The following AFF2 variants were observed in gnomAD, a reference collection of about 807,000 sequenced individuals.
AFF2 encodes the protein AF4/FMR2 family member 2.
AFF2 carries 14 observed loss-of-function variants against 76.9 expected under a neutral mutation model. That is an observed-to-expected ratio of 0.18 (90% CI 0.12 to 0.28). AFF2 has a LOEUF of 0.28. Ranked by LOEUF, AFF2 falls within the 10% of genes least tolerant of loss-of-function variation. The pLI, the probability that AFF2 is intolerant of heterozygous loss-of-function variation, is 1.00. For synonymous variants in AFF2, 398 were observed against 366.7 expected (o/e 1.09, Z -0.98); for missense variants, 868 against 1,001.1 (o/e 0.87, Z 1.79).
At chrX:148,752,166 A>T (rs1256042671) in intron 3 of AFF2, among the ~76,000 whole-genome samples, 1 of 110,465 alleles carries the variant, frequency 9.1e-6, no homozygotes, top group Non-Finnish European at 1.9e-5. Flanking sequence ...ATTTGGGGGA[A>T]TGTAAACATT....
At chrX:148,800,021 G>C (rs2070036131) in intron 3 of AFF2, among the ~76,000 whole-genome samples, 1 of 111,972 alleles carries the variant, frequency 8.9e-6, no homozygotes, top group Admixed American at 9.5e-5. Flanking sequence ...ATGTAAGTGG[G>C]CGCAGATCTA....
intron 3 of AFF2, among the ~76,000 whole-genome samples, chrX:148,775,114 CAG>C (rs1413763019): frequency 3.6e-5 from 4 of 111,558 alleles, no homozygotes; most frequent in Non-Finnish European, 7.5e-5. Context: ...GTTTGATAAT[CAG>C]GGGATATATT....
intron 1 of AFF2, among the ~76,000 whole-genome samples, chrX:148,520,977 T>C (rs146250965): frequency 0.018 from 2,043 of 112,211 alleles, 21 homozygotes; most frequent in Middle Eastern, 0.037. Flanking sequence ...AGTCTTTGTG[T>C]GGAAGTCAAA....
chrX:148,941,086 G>A (rs1317108184), intron 9 of AFF2, among the ~76,000 whole-genome samples: 4 of 111,942 alleles, frequency 3.6e-5, no homozygotes, highest in African/African-American at 1.3e-4. Context: ...GACATTGATA[G>A]TCTTTGGCAA....
chrX:148,960,299 C>T (rs1216462784), intron 12 of AFF2, among the ~76,000 whole-genome samples: 1 of 112,586 alleles, frequency 8.9e-6, no homozygotes, highest in Admixed American at 9.4e-5. Context: ...GGACTGTGCA[C>T]TTGTGCCCCA....
At chrX:148,967,422 GTTAT>G (rs1254966956) in intron 14 of AFF2, among the ~76,000 whole-genome samples, 1 of 112,060 alleles carries the variant, frequency 8.9e-6, no homozygotes, top group African/African-American at 3.3e-5. Flanking sequence ...GGAGCATGTG[GTTAT>G]TTATCCTAAT....
At chrX:148,718,521 T>C (rs1292623824) in intron 3 of AFF2, among the ~76,000 whole-genome samples, 1 of 111,201 alleles carries the variant, frequency 9.0e-6, no homozygotes, top group African/African-American at 3.3e-5. Flanking sequence ...TTCGAAATGA[T>C]ATCATCCCTA....
chrX:148,657,129 A>G (rs2054261608), intron 2 of AFF2, among the ~76,000 whole-genome samples: 1 of 111,938 alleles, frequency 8.9e-6, no homozygotes, highest in Non-Finnish European at 1.9e-5. Flanking sequence ...TGGCTTACCC[A>G]AGGTCATTTG....
rs1307989712 is a variant in AFF2, at chrX:148,816,350, A to G, written c.1086+6430A>G. Among the ~76,000 whole-genome samples, 9 of 111,737 alleles carry G rather than the reference A, an allele frequency of 8.1e-5. No homozygotes were observed. In the Admixed American group the frequency reaches 8.6e-4, roughly 11 times the overall value. On this transcript the variant is annotated intron_variant, in intron 4 of 20. Transcript: ENST00000370460. The stretch of plus-strand genomic sequence containing the variant: ...AGGCTTGTCCCTTCTCTCGTTTGTC[A>G]TTAGAAGCATTCAGGAGAATGAGAA...
intron 7 of AFF2, among the ~76,000 whole-genome samples, chrX:148,876,514 T>A (rs1306202529): frequency 8.9e-6 from 1 of 112,061 alleles, no homozygotes; most frequent in Non-Finnish European, 1.9e-5. Flanking sequence ...CATGCATGCA[T>A]CACCCCAGCA....
intron 1 of AFF2, among the ~76,000 whole-genome samples, chrX:148,609,325 A>G (rs868954319): frequency 8.9e-6 from 1 of 112,088 alleles, no homozygotes; most frequent in Non-Finnish European, 1.9e-5. Flanking sequence ...ATTCTTTGAT[A>G]TGTGGCCTTG....
At chrX:148,879,613 C>G (rs1443488601) in intron 7 of AFF2, among the ~76,000 whole-genome samples, 1 of 111,806 alleles carries the variant, frequency 8.9e-6, no homozygotes, top group South Asian at 3.7e-4. Flanking sequence ...ACTACTCAAC[C>G]TGGCCATTGT....
At chrX:148,710,818 A>C (rs1017763279) in intron 3 of AFF2, among the ~76,000 whole-genome samples, 1 of 111,572 alleles carries the variant, frequency 9.0e-6, no homozygotes, top group African/African-American at 3.3e-5. Context: ...GGCAAATTTC[A>C]CATATTTTTG....
intron 1 of AFF2, among the ~76,000 whole-genome samples, chrX:148,609,472 T>C (rs1283961223): frequency 8.9e-6 from 1 of 111,843 alleles, no homozygotes; most frequent in Non-Finnish European, 1.9e-5. Context: ...TGGGATATTA[T>C]TTGAGCTGTG....
At position 148,719,220 on chromosome X, in the gene AFF2, T is replaced by C. The variant is rs2055062374; in HGVS notation, c.1041+56452T>C. ...GAGGCACCAAGCATTTCCGTCCTTC[T>C]TCAAGATGAAGGTAGGCAATATGAG... On this transcript the variant is annotated intron_variant, in intron 3 of 20. Transcript: ENST00000370460. 3 of 1,148,028 alleles carry C rather than the reference T, an allele frequency of 2.6e-6. No homozygotes were observed. The East Asian group carries it at 9.8e-5, about 37-fold the overall frequency. The allele number at this position is 1,148,028 out of a possible 1,213,427, so 94.6% of individuals were successfully genotyped here.
intron 3 of AFF2, among the ~76,000 whole-genome samples, chrX:148,779,814 A>G (rs1185845410): frequency 9.0e-6 from 1 of 111,721 alleles, no homozygotes; most frequent in African/African-American, 3.3e-5. Flanking sequence ...TATTTTGCCT[A>G]TTGGTTGGTG....
At chrX:148,708,660 G>A in intron 3 of AFF2, among the ~76,000 whole-genome samples, 1 of 112,019 alleles carries the variant, frequency 8.9e-6, no homozygotes, top group East Asian at 2.8e-4. Context: ...GTTGCAGTGA[G>A]CCAAGATCGC....
chrX:148,616,419 AAC>A (rs2053801677), intron 1 of AFF2, among the ~76,000 whole-genome samples: 2 of 111,821 alleles, frequency 1.8e-5, no homozygotes, highest in African/African-American at 6.5e-5. Flanking sequence ...TATGAAAATT[AAC>A]AGTTGATGAA....
Position 148,967,020 on chromosome X carries a change from G to A in AFF2, c.3144G>A (p.Leu1048=), listed in dbSNP as rs2072186883. ...TGGAGATGACGTCCTGGGCGGCTCTGCCCCTTCTATCCAGCAGCAGCACTA... is the reference window on the plus strand; with the variant it reads ...TGGAGATGACGTCCTGGGCGGCTCTACCCCTTCTATCCAGCAGCAGCACTA... The part of the protein sequence containing the change: ...SHLEMTSWAA[L]PLLSSSSTNV... The change falls in exon 14 of 21, where the codon CTG becomes CTA. Residue 1048 remains leucine (L), a synonymous_variant. Transcript: ENST00000370460. 1.7e-6 allele frequency: 2 copies of A among 1,211,427 alleles called. No individual in the cohort carries two copies. The highest frequency in any genetic ancestry group is 2.2e-6 in the Non-Finnish European group (2 of 895,488).
Sources: gnomAD v4.1 joint callset for allele counts (sites outside exome capture counted in the v4.1 genomes callset) on GRCh38, gnomAD v4.1.1 for gene constraint, MANE v1.5 for transcripts, NCBI Gene and HGNC (gene_info 2026-07-23, HGNC 2026-07-21) for gene names.